The following NCOA1 variants were observed in gnomAD, a reference collection of about 807,000 sequenced individuals.
The protein encoded by NCOA1 is nuclear receptor coactivator 1.
In NCOA1, 35 loss-of-function variants were observed where a neutral mutation model predicts 150.9. The observed-to-expected ratio is 0.23, with a 90% CI of 0.18 to 0.31. NCOA1 has a LOEUF of 0.31. Ranked by LOEUF, NCOA1 falls within the 10% of genes least tolerant of loss-of-function variation. The pLI is 1.00. For missense variants in NCOA1, 1,491 were observed against 1,749.3 expected, an observed-to-expected ratio of 0.85 and a Z score of 2.63; for synonymous variants, 590 against 630.0, an observed-to-expected ratio of 0.94 and a Z score of 0.95.
At chr2:24,666,015 T>C (rs1250990856) in intron 6 of NCOA1, 100 bp downstream of exon 6, 1 of 741,150 alleles carries the variant, frequency 1.3e-6, no homozygotes, top group Non-Finnish European at 1.7e-6. Flanking sequence ...TATTTTATTA[T>C]TATTATTATT....
At chr2:24,724,065 G>GT (rs1674487052) in intron 14 of NCOA1, among the ~76,000 whole-genome samples, 1 of 149,774 alleles carries the variant, frequency 6.7e-6, no homozygotes, top group Non-Finnish European at 1.5e-5. Context: ...ATATAAGGGG[G>GT]GTTTTTTTGT....
intron 22 of NCOA1, chr2:24,767,650 G>A (rs766369910): frequency 1.9e-4 from 30 of 155,250 alleles, no homozygotes; most frequent in Non-Finnish European, 3.9e-4. Context: ...ATGATAATTT[G>A]CTGTAATTCT....
rs1662893831 is a variant in NCOA1 at position 24,729,715 on chromosome 2, C to G, written c.3101C>G (p.Pro1034Arg). 6.2e-7 allele frequency: 1 copy of G among 1,614,234 alleles called. No individual in the cohort carries two copies. ...ACACCTCCCCGAGGTGCTTTTTCAC[C>G]TGGCATGGGCATGCAGCCCAGGCAA... ...QVTPPRGAFS[P>R]GMGMQPRQTL... Residue 1034 changes from proline to arginine, a missense_variant, in exon 17 of 23, where the codon CCT (proline) becomes CGT (arginine). By Grantham distance (103) the Pro-to-Arg change is moderately radical. Transcript: ENST00000348332.
At chr2:24,615,994 T>C (rs1668857680) in intron 3 of NCOA1, among the ~76,000 whole-genome samples, 1 of 152,196 alleles carries the variant, frequency 6.6e-6, no homozygotes, top group African/African-American at 2.4e-5. Context: ...TACTTTTAGG[T>C]TCAGTTTTTA....
intron 18 of NCOA1, among the ~76,000 whole-genome samples, chr2:24,740,657 A>C (rs921616001): frequency 2.6e-5 from 4 of 152,188 alleles, no homozygotes; most frequent in African/African-American, 9.6e-5. Flanking sequence ...AGCAGCAGAT[A>C]TTGACATCTT....
chr2:24,583,397 A>G (rs1033724903), intron 2 of NCOA1, among the ~76,000 whole-genome samples: 3 of 152,156 alleles, frequency 2.0e-5, no homozygotes, highest in Non-Finnish European at 2.9e-5. Context: ...AAGACAAAAA[A>G]TAAATGCTGG....
At chr2:24,696,387 A>G (rs967553031) in intron 10 of NCOA1, among the ~76,000 whole-genome samples, 5 of 152,194 alleles carry the variant, frequency 3.3e-5, no homozygotes, top group African/African-American at 9.6e-5. Flanking sequence ...AGAAGAGGAA[A>G]CATTAGTGGT....
Position 24,752,439 on chromosome 2 carries a change from C to T in NCOA1, c.3881+283C>T, listed in dbSNP as rs551075503. Among the ~76,000 whole-genome samples, 6 of 152,254 alleles carry T rather than the reference C, an allele frequency of 3.9e-5. No individual in the cohort carries two copies. The South Asian group carries it at 1.2e-3, about 32-fold the overall frequency. On this transcript the variant is annotated intron_variant, in intron 20 of 22. Coordinates refer to ENST00000348332, the MANE Select transcript of NCOA1 (RefSeq NM_003743.5). ...ACTTCCATTTGCATAATGGAAAGAA[C>T]TAAATTTTATATTATCAGCAAAGAA...
intron 3 of NCOA1, among the ~76,000 whole-genome samples, chr2:24,632,981 T>G (rs1301043356): frequency 6.6e-6 from 1 of 152,156 alleles, no homozygotes; most frequent in African/African-American, 2.4e-5. Context: ...ATTGGGCATC[T>G]GAGAAAGCTT....
chr2:24,559,410 C>T (rs924682745), intron 1 of NCOA1, among the ~76,000 whole-genome samples: 3 of 152,200 alleles, frequency 2.0e-5, no homozygotes, highest in Non-Finnish European at 4.4e-5. Flanking sequence ...CTGTACCATC[C>T]TCATCTTCCA....
chr2:24,757,158 T>A (rs1664544294), intron 20 of NCOA1, among the ~76,000 whole-genome samples: 1 of 152,180 alleles, frequency 6.6e-6, no homozygotes, highest in Admixed American at 6.5e-5. Flanking sequence ...TTAGTATGCA[T>A]GAATAGTTAA....
intron 9 of NCOA1, among the ~76,000 whole-genome samples, chr2:24,692,518 T>C (rs193021076): frequency 6.6e-6 from 1 of 152,350 alleles, no homozygotes; most frequent in East Asian, 1.9e-4. Context: ...TTAAAGGTTG[T>C]TTTTCTCATA....
intron 1 of NCOA1, among the ~76,000 whole-genome samples, chr2:24,538,138 A>G (rs1482440989): frequency 6.6e-6 from 1 of 152,174 alleles, no homozygotes; most frequent in East Asian, 1.9e-4. Context: ...TAAAATAGCA[A>G]GTGTTATATA....
intron 5 of NCOA1, among the ~76,000 whole-genome samples, chr2:24,663,625 C>T (rs920885268): frequency 7.2e-5 from 11 of 152,056 alleles, no homozygotes; most frequent in Non-Finnish European, 1.6e-4. Flanking sequence ...ATAGTTGACC[C>T]GGAGTAATAA....
In NCOA1 at chr2:24,760,640, A is replaced by G. The variant is rs182269770; in HGVS notation, c.4066-2047A>G. 5.8e-3 allele frequency among the ~76,000 whole-genome samples: 878 copies of G among 152,044 alleles called. 9 individuals carry two copies. Among genetic ancestry groups the G allele is most frequent in the Non-Finnish European group, 8.8e-3 (596 of 67,956 alleles). On this transcript the variant is annotated intron_variant, in intron 21 of 22. Transcript: ENST00000348332. ...CTGATGAGACATCTGCTGTCATTTTATCTTTGTTCTTCCATGTATGATTGA... is the reference window on the plus strand; with the variant it reads ...CTGATGAGACATCTGCTGTCATTTTGTCTTTGTTCTTCCATGTATGATTGA...
chr2:24,691,787 T>C, intron 9 of NCOA1, 127 bp downstream of exon 9: 1 of 852,602 alleles, frequency 1.2e-6, no homozygotes, highest in Non-Finnish European at 1.7e-6. Context: ...TCATAGTGGC[T>C]ATTCCATTTG....
intron 5 of NCOA1, among the ~76,000 whole-genome samples, chr2:24,665,147 T>C (rs1011708033): frequency 1.3e-5 from 2 of 151,910 alleles, no homozygotes; most frequent in African/African-American, 4.9e-5. Flanking sequence ...ATCATTTTTT[T>C]TTCTGTCTTT....
In NCOA1 at chr2:24,747,257, C is replaced by T. The variant is rs184270070; in HGVS notation, c.3707-4725C>T. ...TCTCTTATTTATTGTTTACTGTTGA[C>T]CCCACAAAGTAATATCCAGAATATG... On this transcript the variant is annotated intron_variant, in intron 19 of 22. Transcript: ENST00000348332. Among the ~76,000 whole-genome samples the T allele has an allele frequency of 2.0e-3, 300 of 151,680 alleles. 1 individual carries two copies. Among genetic ancestry groups the T allele is most frequent in the Non-Finnish European group, 2.1e-3 (145 of 67,936 alleles).
chr2:24,768,377 C>T lies in NCOA1; in HGVS notation c.4312C>T (p.Leu1438=). 6.2e-7 allele frequency: 1 copy of T among 1,608,804 alleles called. No individual in the cohort carries two copies. Among genetic ancestry groups the T allele is most frequent in the Non-Finnish European group, 8.5e-7 (1 of 1,176,740 alleles). Residue 1438 remains leucine (L), a synonymous_variant, in exon 23 of 23, where the codon CTA becomes TTA. Coordinates refer to ENST00000348332, the MANE Select transcript of NCOA1 (RefSeq NM_003743.5). ...CCAGCAGAAGAGCCTCCTTCAGCAG[C>T]TACTGACTGAATAACCACTTTTAAA... ...QAQQKSLLQQ[L]LTE is the part of the protein sequence containing the mutation.
Sources: allele counts gnomAD v4.1 joint callset (sites outside exome capture counted in the v4.1 genomes callset), GRCh38; gene constraint gnomAD v4.1.1; transcripts MANE v1.5; gene names NCBI Gene and HGNC (gene_info 2026-07-23, HGNC 2026-07-21).